Variants in AFF2 observed in about 807,000 individuals in gnomAD.
The protein encoded by AFF2 is AF4/FMR2 family member 2.
Under a neutral mutation model 76.9 loss-of-function variants are expected in AFF2, and 14 were observed. That is an observed-to-expected ratio of 0.18 (90% CI 0.12 to 0.28). The LOEUF is 0.28. AFF2 is among the 10% of genes least tolerant of loss of function. The pLI, the probability that AFF2 is intolerant of heterozygous loss-of-function variation, is 1.00. For missense variants in AFF2, 868 were observed against 1,001.1 expected (o/e 0.87, Z 1.79); for synonymous variants, 398 against 366.7 (o/e 1.09, Z -0.98).
chrX:148,579,515 T>C (rs1421450941), intron 1 of AFF2, among the ~76,000 whole-genome samples: 4 of 112,038 alleles, frequency 3.6e-5, no homozygotes, highest in African/African-American at 9.7e-5. Flanking sequence ...TTGTTGTCAT[T>C]TGCCATAGTA....
chrX:148,852,970 G>C (rs1350576570), intron 7 of AFF2, among the ~76,000 whole-genome samples: 1 of 111,342 alleles, frequency 9.0e-6, no homozygotes, highest in Non-Finnish European at 1.9e-5. Context: ...TGATTTTATG[G>C]AGAAGGAAAT....
chrX:148,776,294 A>C (rs970403814), intron 3 of AFF2, among the ~76,000 whole-genome samples: 2 of 111,849 alleles, frequency 1.8e-5, no homozygotes, highest in South Asian at 7.5e-4. Flanking sequence ...AGTCTTTCCT[A>C]TTGTGAATAG....
At chrX:148,641,018 T>C (rs1557254612) in intron 1 of AFF2, among the ~76,000 whole-genome samples, 1 of 112,024 alleles carries the variant, frequency 8.9e-6, no homozygotes, top group East Asian at 2.8e-4. Context: ...TATGGCACTT[T>C]CCTCATAAAG....
chrX:148,815,938 T>C (rs925953400), intron 4 of AFF2, among the ~76,000 whole-genome samples: 3 of 112,046 alleles, frequency 2.7e-5, no homozygotes, highest in Non-Finnish European at 5.6e-5. Flanking sequence ...TTTGTGAATA[T>C]GGTGATTTGT....
chrX:148,920,631 C>CGT (rs375696736), intron 9 of AFF2, among the ~76,000 whole-genome samples: 238 of 29,001 alleles, frequency 8.2e-3, no homozygotes, highest in South Asian at 0.036. Context: ...CGTGTGTGTG[C>CGT]GCGTGTGTGT....
At chrX:148,652,166 G>A (rs1174302401) in intron 2 of AFF2, 35 bp downstream of exon 2, 1 of 1,105,069 alleles carries the variant, frequency 9.0e-7, no homozygotes, top group East Asian at 3.0e-5. Context: ...ATGGTTGCTT[G>A]TTACATTTTT....
chrX:148,955,965 T>C lies in AFF2; in HGVS notation c.1920T>C (p.Thr640=), dbSNP rs782305037. 1.7e-6 allele frequency: 2 copies of C among 1,211,277 alleles called. No homozygotes were observed. The highest frequency in any genetic ancestry group is 5.9e-5 in the East Asian group (2 of 33,839). The change falls in exon 11 of 21, where the codon ACT becomes ACC. Residue 640 remains threonine (T), a synonymous_variant. Coordinates refer to ENST00000370460, the MANE Select transcript of AFF2 (RefSeq NM_002025.4). ...QPKKVEKNTS[T]DEFTWPKPNI... is the part of the protein sequence containing the mutation. ...AAAAAGTTGAGAAGAACACCAGCACTGACGAGTTTACCTGGCCCAAACCAA... is the reference window on the plus strand; with the variant it reads ...AAAAAGTTGAGAAGAACACCAGCACCGACGAGTTTACCTGGCCCAAACCAA...
intron 16 of AFF2, 38 bp from the exon 17 acceptor site, chrX:148,977,895 A>G: frequency 9.7e-7 from 1 of 1,034,924 alleles, no homozygotes; most frequent in Non-Finnish European, 1.4e-6. Flanking sequence ...CTGAAGGGTA[A>G]TACAGATTCC....
intron 8 of AFF2, among the ~76,000 whole-genome samples, chrX:148,896,326 A>G (rs1380305261): frequency 8.9e-6 from 1 of 111,824 alleles, no homozygotes; most frequent in Non-Finnish European, 1.9e-5. Context: ...TGTGACCATG[A>G]AACTGTTCTC....
intron 3 of AFF2, among the ~76,000 whole-genome samples, chrX:148,693,499 T>C (rs1396300404): frequency 8.9e-6 from 1 of 112,253 alleles, no homozygotes; most frequent in Non-Finnish European, 1.9e-5. Context: ...TGTTTTTACA[T>C]TGATGGTGGT....
chrX:148,781,719 G>A (rs1213159228), intron 3 of AFF2, among the ~76,000 whole-genome samples: 6 of 111,368 alleles, frequency 5.4e-5, no homozygotes, highest in African/African-American at 6.5e-5. Context: ...GTTCTGTCTC[G>A]CTGGCATTCC....
intron 17 of AFF2, 97 bp downstream of exon 17, chrX:148,978,101 C>G: frequency 1.6e-6 from 1 of 616,497 alleles, no homozygotes; most frequent in African/African-American, 2.2e-5. Flanking sequence ...GATCATTACT[C>G]TTGTTTTCCA....
intron 1 of AFF2, among the ~76,000 whole-genome samples, chrX:148,515,329 A>G (rs1352585413): frequency 8.9e-6 from 1 of 112,263 alleles, no homozygotes; most frequent in Non-Finnish European, 1.9e-5. Flanking sequence ...TTTAAATTGT[A>G]GAATTATTAG....
chrX:148,984,998 CT>C (rs781904852), intron 19 of AFF2, among the ~76,000 whole-genome samples: 23 of 109,775 alleles, frequency 2.1e-4, no homozygotes, highest in Admixed American at 8.8e-4. Context: ...TTTTTTCTGT[CT>C]TTTTTTTGGG....
Position 148,504,505 on chromosome X carries a change from G to C in AFF2, c.47+3361G>C, listed in dbSNP as rs781879642. On this transcript the variant is annotated intron_variant, in intron 1 of 20. Transcript: ENST00000370460. The stretch of plus-strand genomic sequence containing the variant: ...GTTTTTATGTGATGTCTCACAAATA[G>C]CCTAATTAGAGGCAAGCTTGCAAAC... Among the ~76,000 whole-genome samples the C allele has an allele frequency of 5.3e-5, 6 of 112,904 alleles. No individual in the cohort carries two copies. The Admixed American group carries it at 5.6e-4, about 10-fold the overall frequency.
intron 1 of AFF2, among the ~76,000 whole-genome samples, chrX:148,594,711 C>A (rs2053555413): frequency 8.9e-6 from 1 of 111,917 alleles, no homozygotes; most frequent in African/African-American, 3.3e-5. Flanking sequence ...TTGGTGATAG[C>A]AGATATCCCT....
intron 19 of AFF2, among the ~76,000 whole-genome samples, chrX:148,985,281 T>A (rs781975031): frequency 1.2e-5 from 1 of 85,534 alleles, no homozygotes; most frequent in Admixed American, 1.5e-4. Flanking sequence ...CCCCTGTGCC[T>A]GGCCTTTTTT....
chrX:148,904,045 T>C (rs1424284649), intron 8 of AFF2, among the ~76,000 whole-genome samples, 176 bp from the exon 9 acceptor site: 1 of 111,895 alleles, frequency 8.9e-6, no homozygotes, highest in Non-Finnish European at 1.9e-5. Context: ...GTAACCATGT[T>C]TCCCAGGAGA....
At chrX:148,678,417 G>A (rs12394087) in intron 3 of AFF2, among the ~76,000 whole-genome samples, 5,163 of 112,261 alleles carry the variant, frequency 0.046, 305 homozygotes, top group African/African-American at 0.16. Context: ...TTGAGTGGGG[G>A]ACAAGGAGTG....
Sources: allele counts gnomAD v4.1 joint callset (sites outside exome capture counted in the v4.1 genomes callset), GRCh38; gene constraint gnomAD v4.1.1; transcripts MANE v1.5; gene names NCBI Gene and HGNC (gene_info 2026-07-23, HGNC 2026-07-21).